DTNB: variants seen among roughly 807,000 people sequenced by gnomAD.
DTNB encodes DTN-B.
In DTNB, 63 loss-of-function variants were observed where a neutral mutation model predicts 90.7. The ratio of observed to expected loss-of-function variants is 0.69; its 90% CI spans 0.57 to 0.86. The LOEUF is 0.86. DTNB is among the 40% of genes least tolerant of loss of function. The probability of loss-of-function intolerance (pLI) is 0.00; values close to 1 mark genes in which losing one functional copy is unlikely to be tolerated. For missense variants in DTNB, 744 were observed against 807.1 expected, an observed-to-expected ratio of 0.92 and a Z score of 0.95; for synonymous variants, 277 against 286.7, an observed-to-expected ratio of 0.97 and a Z score of 0.34.
chr2:25,571,873 A>G (rs958677385), intron 8 of DTNB, among the ~76,000 whole-genome samples: 161 of 152,274 alleles, frequency 1.1e-3, no homozygotes, highest in African/African-American at 3.7e-3. Flanking sequence ...ATATATATAT[A>G]TATAATATAC....
intron 12 of DTNB, among the ~76,000 whole-genome samples, chr2:25,450,748 A>G (rs1558577828): frequency 1.3e-5 from 2 of 152,152 alleles, no homozygotes; most frequent in Non-Finnish European, 2.9e-5. Flanking sequence ...TTCAGACTTG[A>G]ACATCTTCCA....
intron 9 of DTNB, among the ~76,000 whole-genome samples, chr2:25,514,394 G>A (rs1267577101): frequency 1.3e-5 from 2 of 152,148 alleles, no homozygotes; most frequent in Admixed American, 6.5e-5. Flanking sequence ...AAGTTAGAGA[G>A]GTTGCCAGGA....
rs958325237 is a variant in DTNB, at chr2:25,388,292, G to T, written c.1645C>A (p.Arg549Ser). The change falls in exon 17 of 21, where the codon CGC becomes AGC. Residue 549 changes from arginine (R) to serine (S), a missense_variant. Arg to Ser is a moderately radical substitution (Grantham distance 110). Transcript: ENST00000406818. ...GGGGTGGAGCCGGCAGACGTGGAGCGCACTGGCATGGGCATTGGCCGGCCG... is the reference window on the plus strand; with the variant it reads ...GGGGTGGAGCCGGCAGACGTGGAGCTCACTGGCATGGGCATTGGCCGGCCG... ...GGGRPMPMPV[R>S]STSAGSTPTH... The T allele has an allele frequency of 6.2e-7, 1 of 1,613,264 alleles. No homozygotes were observed. The highest frequency in any genetic ancestry group is 8.5e-7 in the Non-Finnish European group (1 of 1,179,626).
Position 25,652,661 on chromosome 2 carries a change from C to G in DTNB, c.-1G>C. The stretch of plus-strand genomic sequence containing the variant: ...GCTTGTTCCCACTTTCCTCAATCAT[C>G]CTAGAGACAAAGAAAGATACAATAA... On this transcript the variant is annotated splice_region_variant and 5_prime_UTR_variant, in exon 2 of 21. Coordinates refer to ENST00000406818, the MANE Select transcript of DTNB (RefSeq NM_021907.5). The G allele has an allele frequency of 6.2e-7, 1 of 1,611,516 alleles. No homozygotes were observed. Among genetic ancestry groups the G allele is most frequent in the South Asian group, 1.1e-5 (1 of 90,608 alleles).
At chr2:25,557,181 T>A (rs1399316985) in intron 8 of DTNB, among the ~76,000 whole-genome samples, 1 of 152,096 alleles carries the variant, frequency 6.6e-6, no homozygotes, top group African/African-American at 2.4e-5. Flanking sequence ...ACACAAATAC[T>A]ATGGAAGTAG....
chr2:25,421,460 G>A (rs536696605), intron 15 of DTNB, among the ~76,000 whole-genome samples: 2 of 152,382 alleles, frequency 1.3e-5, no homozygotes, highest in African/African-American at 4.8e-5. Flanking sequence ...TTCTGCTTTT[G>A]CACCTGCTTT....
chr2:25,388,507 G>C, intron 16 of DTNB, 146 bp from the exon 17 acceptor site: 3 of 1,133,524 alleles, frequency 2.6e-6, no homozygotes, highest in Non-Finnish European at 2.4e-6. Flanking sequence ...AAGGAGTTAG[G>C]CTGCTTCCAA....
intron 9 of DTNB, among the ~76,000 whole-genome samples, chr2:25,512,350 G>C (rs1451498554): frequency 1.3e-5 from 2 of 152,182 alleles, no homozygotes; most frequent in Non-Finnish European, 2.9e-5. Flanking sequence ...GAAAGTTGCT[G>C]AATTTAACCT....
At chr2:25,541,762 T>C (rs2081311268) in intron 8 of DTNB, among the ~76,000 whole-genome samples, 1 of 152,170 alleles carries the variant, frequency 6.6e-6, no homozygotes, top group Non-Finnish European at 1.5e-5. Flanking sequence ...TTCAATTCTT[T>C]TGGTTATATA....
chr2:25,491,158 G>GACACAC (rs59803099), intron 9 of DTNB, among the ~76,000 whole-genome samples: 43,806 of 150,496 alleles, frequency 0.29, 7,816 homozygotes, highest in East Asian at 0.57. Flanking sequence ...CACACACACA[G>GACACAC]ACACACACAC....
chr2:25,497,903 T>G (rs2150530796), intron 9 of DTNB, among the ~76,000 whole-genome samples: 1 of 152,328 alleles, frequency 6.6e-6, no homozygotes, highest in Admixed American at 6.5e-5. Context: ...CCAGGGAACC[T>G]TTCTATTGTT....
At chr2:25,576,786 C>T in intron 8 of DTNB, 52 bp downstream of exon 8, 1 of 1,526,626 alleles carries the variant, frequency 6.6e-7, no homozygotes, top group South Asian at 1.3e-5. Flanking sequence ...GGTGCTGTTA[C>T]TGATCAAACA....
chr2:25,520,248 G>A (rs1445117737), intron 9 of DTNB, among the ~76,000 whole-genome samples: 2 of 152,090 alleles, frequency 1.3e-5, no homozygotes, highest in Non-Finnish European at 2.9e-5. Flanking sequence ...CAGGCGTGGT[G>A]TGTGACCCAG....
In DTNB at chr2:25,590,778, C is replaced by G. The variant is rs144967006; in HGVS notation, c.603+5308G>C. Reference sequence around the variant, plus strand: ...GGAAAAAGCACCACAAGTTCCCACTCCAGTCCATGGGACTAGCAGCCCGAC... The same window carrying G: ...GGAAAAAGCACCACAAGTTCCCACTGCAGTCCATGGGACTAGCAGCCCGAC... On this transcript the variant is annotated intron_variant, in intron 6 of 20. Coordinates refer to ENST00000406818, the MANE Select transcript of DTNB (RefSeq NM_021907.5). Among the ~76,000 whole-genome samples the G allele has an allele frequency of 5.7e-3, 864 of 152,336 alleles. 10 individuals carry two copies. The highest frequency in any genetic ancestry group is 0.02 in the African/African-American group (817 of 41,584).
chr2:25,437,298 G>T (rs565377641), intron 12 of DTNB, among the ~76,000 whole-genome samples: 1 of 150,174 alleles, frequency 6.7e-6, no homozygotes, highest in South Asian at 2.1e-4. Context: ...ATCTTGCTGT[G>T]TCGCCCAAGC....
chr2:25,633,588 C>T (rs1020970274), intron 3 of DTNB, among the ~76,000 whole-genome samples: 89 of 152,048 alleles, frequency 5.9e-4, no homozygotes, highest in Admixed American at 2.2e-3. Context: ...GCCGCCACCC[C>T]GTCTGGGAAG....
rs765910185 is a variant in DTNB, at chr2:25,610,734, G to C, written c.363-3413C>G. On this transcript the variant is annotated intron_variant, in intron 4 of 20. Coordinates refer to ENST00000406818, the MANE Select transcript of DTNB (RefSeq NM_021907.5). Reference sequence around the variant, plus strand: ...TCTATCCTTTTTTTTTTTTGAGACAGAATCTCTCTCTGTTGCCCAGGCTGG... The same window carrying C: ...TCTATCCTTTTTTTTTTTTGAGACACAATCTCTCTCTGTTGCCCAGGCTGG... 2.7e-5 allele frequency among the ~76,000 whole-genome samples: 4 copies of C among 149,524 alleles called. 1 individual carries two copies. The highest frequency in any genetic ancestry group is 5.9e-5 in the Non-Finnish European group (4 of 67,632).
At chr2:25,401,535 C>T (rs189023791) in intron 16 of DTNB, among the ~76,000 whole-genome samples, 75 of 152,358 alleles carry the variant, frequency 4.9e-4, no homozygotes, top group African/African-American at 1.6e-3. Context: ...TGATACTGCA[C>T]TGTTCTTGGC....
intron 6 of DTNB, 109 bp downstream of exon 6, chr2:25,595,977 C>T: frequency 1.0e-6 from 1 of 982,426 alleles, no homozygotes; most frequent in East Asian, 7.6e-5. Context: ...CTTTTTTCCT[C>T]CCCTACTCAA....
Sources: allele counts gnomAD v4.1 joint callset (sites outside exome capture counted in the v4.1 genomes callset), GRCh38; gene constraint gnomAD v4.1.1; transcripts MANE v1.5; gene names NCBI Gene and HGNC (gene_info 2026-07-23, HGNC 2026-07-21).